The following ADAMTS3 variants were observed in gnomAD, a reference collection of about 807,000 sequenced individuals.
The protein encoded by ADAMTS3 is ADAM metallopeptidase with thrombospondin type 1 motif 3.
ADAMTS3 carries 73 observed loss-of-function variants against 129.0 expected under a neutral mutation model. The ratio of observed to expected loss-of-function variants is 0.57; its 90% CI spans 0.47 to 0.69. The LOEUF (loss-of-function observed/expected upper bound fraction) is 0.69. Among genes scored for constraint, ADAMTS3 ranks in the 30% least tolerant of loss-of-function variants. The probability of loss-of-function intolerance (pLI) is 0.00; values close to 1 mark genes in which losing one functional copy is unlikely to be tolerated. For missense variants in ADAMTS3, 1,457 were observed against 1,514.5 expected, an observed-to-expected ratio of 0.96 and a Z score of 0.63; for synonymous variants, 477 against 510.8, an observed-to-expected ratio of 0.93 and a Z score of 0.89.
At chr4:72,444,694 G>A (rs1229391861) in intron 3 of ADAMTS3, among the ~76,000 whole-genome samples, 11 of 151,762 alleles carry the variant, frequency 7.2e-5, no homozygotes, top group South Asian at 2.1e-4. Flanking sequence ...CATAGGCTAC[G>A]TATTTGACAT....
At chr4:72,382,800 T>G (rs1721328365) in intron 4 of ADAMTS3, among the ~76,000 whole-genome samples, 1 of 152,310 alleles carries the variant, frequency 6.6e-6, no homozygotes, top group South Asian at 2.1e-4. Context: ...ATACCACCTG[T>G]TCTCACTTAT....
Position 72,459,468 on chromosome 4 carries a change from T to A in ADAMTS3, c.505-44497A>T, listed in dbSNP as rs991470433. On this transcript the variant is annotated intron_variant, in intron 3 of 21. Coordinates refer to ENST00000286657, the MANE Select transcript of ADAMTS3 (RefSeq NM_014243.3). Reference sequence around the variant, plus strand: ...CAATGTACTTAGCATAGAATCATGATTAAGAGCGTGAGGTTTAGACAGACT... The same window carrying A: ...CAATGTACTTAGCATAGAATCATGAATAAGAGCGTGAGGTTTAGACAGACT... Among the ~76,000 whole-genome samples, 4 of 151,704 alleles carry A rather than the reference T, an allele frequency of 2.6e-5. No individual in the cohort carries two copies. The East Asian group carries it at 7.8e-4, about 30-fold the overall frequency.
chr4:72,544,608 A>ATGTGCCTTTTG (rs1721420350), intron 3 of ADAMTS3, among the ~76,000 whole-genome samples: 1 of 152,196 alleles, frequency 6.6e-6, no homozygotes, highest in African/African-American at 2.4e-5. Flanking sequence ...CATCATATCA[A>ATGTGCCTTTTG]TTCTGTGCTG....
chr4:72,429,747 T>C (rs746098501), intron 3 of ADAMTS3, among the ~76,000 whole-genome samples: 2 of 152,212 alleles, frequency 1.3e-5, no homozygotes, highest in South Asian at 2.1e-4. Flanking sequence ...ATTTAAAGCA[T>C]AGGAATTCTG....
At chr4:72,565,937 T>C (rs748320780) in intron 2 of ADAMTS3, among the ~76,000 whole-genome samples, 8 of 152,206 alleles carry the variant, frequency 5.3e-5, no homozygotes, top group African/African-American at 2.4e-5. Context: ...GACATCTTTT[T>C]AATTTGCATA....
intron 6 of ADAMTS3, among the ~76,000 whole-genome samples, chr4:72,321,288 C>T (rs1380874861): frequency 1.3e-5 from 2 of 152,106 alleles, no homozygotes; most frequent in African/African-American, 4.8e-5. Flanking sequence ...TCTCATGCCT[C>T]AGCCTCCTGA....
chr4:72,568,286 C>T (rs1722072898), intron 1 of ADAMTS3, among the ~76,000 whole-genome samples: 1 of 152,318 alleles, frequency 6.6e-6, no homozygotes, highest in South Asian at 2.1e-4. Flanking sequence ...AGGAACCCGA[C>T]TCTGGCGGCA....
intron 4 of ADAMTS3, among the ~76,000 whole-genome samples, chr4:72,408,274 A>C (rs1456406111): frequency 6.6e-6 from 1 of 152,092 alleles, no homozygotes; most frequent in Non-Finnish European, 1.5e-5. Context: ...TATCAGGAAG[A>C]TGCCCGGTAG....
At chr4:72,379,568 T>C (rs574691113) in intron 4 of ADAMTS3, among the ~76,000 whole-genome samples, 5 of 152,130 alleles carry the variant, frequency 3.3e-5, no homozygotes, top group Non-Finnish European at 7.3e-5. Flanking sequence ...AGAGCTATAG[T>C]TGACAATTTA....
chr4:72,365,474 G>T (rs1256652987), intron 4 of ADAMTS3, among the ~76,000 whole-genome samples: 1 of 152,002 alleles, frequency 6.6e-6, no homozygotes. Context: ...TTTTTTTGGC[G>T]ATACTGAGAG....
intron 4 of ADAMTS3, among the ~76,000 whole-genome samples, chr4:72,382,780 A>T (rs1165714138): frequency 6.6e-6 from 1 of 152,222 alleles, no homozygotes; most frequent in Non-Finnish European, 1.5e-5. Context: ...ACTCAGAAAC[A>T]GAAAATCAAA....
At chr4:72,339,264 GACA>G (rs1720069288) in intron 5 of ADAMTS3, among the ~76,000 whole-genome samples, 1 of 152,016 alleles carries the variant, frequency 6.6e-6, no homozygotes, top group African/African-American at 2.4e-5. Context: ...ATTCCCCCTT[GACA>G]ACAACGGAAA....
chr4:72,501,334 T>C (rs1296394692), intron 3 of ADAMTS3, among the ~76,000 whole-genome samples: 9 of 152,180 alleles, frequency 5.9e-5, no homozygotes, highest in Non-Finnish European at 1.3e-4. Context: ...TTCACCTCTT[T>C]GGTTACATGT....
intron 3 of ADAMTS3, among the ~76,000 whole-genome samples, chr4:72,477,762 T>C (rs1255960740): frequency 2.0e-5 from 3 of 151,978 alleles, no homozygotes; most frequent in Admixed American, 6.6e-5. Flanking sequence ...AGCTGGTTTT[T>C]TGAAAGGATC....
chr4:72,467,447 C>T (rs1387787688), intron 3 of ADAMTS3, among the ~76,000 whole-genome samples: 1 of 152,048 alleles, frequency 6.6e-6, no homozygotes, highest in African/African-American at 2.4e-5. Flanking sequence ...TCCTTATAAT[C>T]TAAATAAGAT....
At chr4:72,344,636 T>A (rs775453572) in intron 4 of ADAMTS3, among the ~76,000 whole-genome samples, 1 of 152,182 alleles carries the variant, frequency 6.6e-6, no homozygotes, top group Non-Finnish European at 1.5e-5. Flanking sequence ...TATATCTTGA[T>A]GGCTTATGAC....
intron 4 of ADAMTS3, among the ~76,000 whole-genome samples, chr4:72,391,748 T>TA (rs995530236): frequency 5.3e-5 from 8 of 150,194 alleles, no homozygotes; most frequent in East Asian, 3.9e-4. Context: ...TAGTGAAGGT[T>TA]AAAAAAAAAC....
intron 3 of ADAMTS3, among the ~76,000 whole-genome samples, chr4:72,423,598 G>C (rs1722499415): frequency 1.3e-5 from 2 of 151,296 alleles, no homozygotes; most frequent in Admixed American, 1.3e-4. Flanking sequence ...GGGTACATGT[G>C]CACAACGTGC....
At chr4:72,383,366 C>T (rs988782073) in intron 4 of ADAMTS3, among the ~76,000 whole-genome samples, 26 of 152,144 alleles carry the variant, frequency 1.7e-4, no homozygotes, top group Non-Finnish European at 2.9e-5. Flanking sequence ...GATTGTATGG[C>T]TTTTCTTTCT....
Sources: gnomAD v4.1 joint callset for allele counts (sites outside exome capture counted in the v4.1 genomes callset) on GRCh38, gnomAD v4.1.1 for gene constraint, MANE v1.5 for transcripts, NCBI Gene and HGNC (gene_info 2026-07-23, HGNC 2026-07-21) for gene names.